COMMD3: variants seen among roughly 807,000 people sequenced by gnomAD.
The protein encoded by COMMD3 is COMM domain-containing protein 3.
In COMMD3, 31 loss-of-function variants were observed where a neutral mutation model predicts 31.2. The observed-to-expected ratio is 0.99, with a 90% CI of 0.75 to 1.34. COMMD3 has a LOEUF of 1.34. COMMD3 is among the 40% of genes most tolerant of loss of function. COMMD3 has a pLI of 0.00. For synonymous variants in COMMD3, 108 were observed against 87.3 expected (o/e 1.24, Z -1.32); for missense variants, 274 against 236.9 (o/e 1.16, Z -1.03).
chr10:22,320,113 T>C lies in COMMD3; in HGVS notation c.*115T>C, dbSNP rs534193003. 1.9e-6 allele frequency: 3 copies of C among 1,588,158 alleles called. No homozygotes were observed. Among genetic ancestry groups the C allele is most frequent in the African/African-American group, 2.7e-5 (2 of 74,514 alleles). ...CCTTTTCAGTAGAAAAGAATTTTCC[T>C]TTTGAATTTATACCATTCATCAATT... On this transcript the variant is annotated 3_prime_UTR_variant, in exon 8 of 8. Transcript: ENST00000376836.
chr10:22,318,524 C>A, intron 4 of COMMD3, 129 bp from the exon 5 acceptor site: 1 of 1,097,442 alleles, frequency 9.1e-7, no homozygotes, highest in Non-Finnish European at 1.3e-6. Flanking sequence ...TAAAGTTTAA[C>A]AATGGTTTAA....
intron 7 of COMMD3, 108 bp from the exon 8 acceptor site, chr10:22,319,831 C>T: frequency 2.2e-6 from 3 of 1,360,214 alleles, no homozygotes; most frequent in Non-Finnish European, 3.0e-6. Flanking sequence ...GAATTTTAAA[C>T]TTGTTTGGAA....
chr10:22,319,895 C>T (rs1284759542), intron 7 of COMMD3, 44 bp from the exon 8 acceptor site: 28 of 1,603,660 alleles, frequency 1.7e-5, no homozygotes, highest in Non-Finnish European at 2.2e-5. Flanking sequence ...TACTTCTTTC[C>T]ATGTTTTATC....
intron 1 of COMMD3, chr10:22,316,808 C>G (rs543076405): frequency 5.1e-6 from 2 of 395,004 alleles, no homozygotes; most frequent in Non-Finnish European, 8.5e-6. Context: ...CTCCCAGTCT[C>G]TTTGTTCTTT....
At chr10:22,318,049 C>A in intron 2 of COMMD3, 54 bp downstream of exon 2, 1 of 1,606,850 alleles carries the variant, frequency 6.2e-7, no homozygotes, top group East Asian at 2.2e-5. Flanking sequence ...TTAATGATTT[C>A]AATTTCAGTT....
Position 22,320,178 on chromosome 10 carries a change from G to C in COMMD3, c.*180G>C. ...ACGTGTGAAAGGGTTAAGAGGGAAA[G>C]ATACTGCCCAAGTATTTGAATCGTT... is the stretch of plus-strand genomic sequence containing the variant. On this transcript the variant is annotated 3_prime_UTR_variant, in exon 8 of 8. Coordinates refer to ENST00000376836, the MANE Select transcript of COMMD3 (RefSeq NM_012071.4). The C allele has an allele frequency of 6.8e-7, 1 of 1,475,504 alleles. No homozygotes were observed. The highest frequency in any genetic ancestry group is 9.1e-7 in the Non-Finnish European group (1 of 1,104,846). 91.4% of individuals were successfully genotyped at this position (1,475,504 alleles called of 1,614,324 possible).
At chr10:22,316,720 C>T (rs1486461138) in intron 1 of COMMD3, 164 bp downstream of exon 1, 4 of 1,248,930 alleles carry the variant, frequency 3.2e-6, no homozygotes, top group East Asian at 5.9e-5. Flanking sequence ...TGCCAGGACT[C>T]GGAGCAGACT....
chr10:22,316,467 C>A lies in COMMD3; in HGVS notation c.50C>A (p.Pro17His), dbSNP rs1411377802. The change falls in exon 1 of 8, where the codon CCC (proline) becomes CAC (histidine). Residue 17 changes from proline to histidine, a missense_variant. By Grantham distance (77) the Pro-to-His change is moderately conservative. Transcript: ENST00000376836. Reference protein sequence around the residue: ...VQKGFQMLADPRSFDSNAFTL... With the variant: ...VQKGFQMLADHRSFDSNAFTL... ...AAAGGCTTCCAGATGCTGGCGGATC[C>A]CCGCTCCTTCGACTCCAACGCCTTC... The A allele has an allele frequency of 1.9e-6, 3 of 1,550,570 alleles. No individual in the cohort carries two copies. Among genetic ancestry groups the A allele is most frequent in the African/African-American group, 1.4e-5 (1 of 73,026 alleles).
intron 4 of COMMD3, 47 bp downstream of exon 4, chr10:22,318,353 G>A (rs202232233): frequency 1.3e-4 from 201 of 1,574,130 alleles, no homozygotes; most frequent in Non-Finnish European, 1.7e-4. Context: ...TCACTTGCAG[G>A]TATGAATGGA....
intron 7 of COMMD3, chr10:22,319,733 A>T: frequency 1.8e-6 from 1 of 565,916 alleles, no homozygotes. Context: ...TTTCAGTGTG[A>T]GGGCAAATAA....
intron 6 of COMMD3, 37 bp from the exon 7 acceptor site, chr10:22,318,918 TAAAC>T (rs1835905446): frequency 6.2e-7 from 1 of 1,611,684 alleles, no homozygotes; most frequent in African/African-American, 1.3e-5. Flanking sequence ...TTGATTTAAA[TAAAC>T]AGCGTTTCTT....
At chr10:22,319,123 C>A (rs1835910802) in intron 7 of COMMD3, 105 bp downstream of exon 7, 1 of 1,279,826 alleles carries the variant, frequency 7.8e-7, no homozygotes, top group Non-Finnish European at 1.1e-6. Flanking sequence ...CATTTGTCAG[C>A]AGATAATGAA....
rs772608809 is a variant in COMMD3, at chr10:22,320,074, T to C, written c.*76T>C. The C allele has an allele frequency of 6.2e-7, 1 of 1,613,454 alleles. No individual in the cohort carries two copies. Among genetic ancestry groups the C allele is most frequent in the Non-Finnish European group, 8.5e-7 (1 of 1,179,618 alleles). On this transcript the variant is annotated 3_prime_UTR_variant, in exon 8 of 8. Coordinates refer to ENST00000376836, the MANE Select transcript of COMMD3 (RefSeq NM_012071.4). The stretch of plus-strand genomic sequence containing the variant: ...TTGCCTTCAGCTGAACCACCGTTTG[T>C]GCGAGCTGGATGTCCTTTTCAGTAG...
At chr10:22,318,529 G>T in intron 4 of COMMD3, 124 bp from the exon 5 acceptor site, 1 of 1,112,244 alleles carries the variant, frequency 9.0e-7, no homozygotes, top group Non-Finnish European at 1.3e-6. Context: ...TTTAACAATG[G>T]TTTAAATTCA....
chr10:22,317,916 GT>G lies in COMMD3; in HGVS notation c.176del (p.Leu59Ter). ...HPDLKHIDPV[V>X]LKHCHAAAAT... ...AGACTTGAAACATATCGACCCAGTGGTTTTAAAACATTGTCATGCAGCAGCT... is the reference window on the plus strand; with the variant it reads ...AGACTTGAAACATATCGACCCAGTGGTTTAAAACATTGTCATGCAGCAGCT... On this transcript the variant is annotated frameshift_variant, in exon 2 of 8. Transcript: ENST00000376836. LOFTEE classifies it high-confidence loss of function. 1 of 1,613,960 alleles carries G rather than the reference GT, an allele frequency of 6.2e-7. No homozygotes were observed. The highest frequency in any genetic ancestry group is 8.5e-7 in the Non-Finnish European group (1 of 1,179,934).
rs756531761 is a variant in COMMD3 at position 22,317,902 on chromosome 10, A to T, written c.158A>T (p.His53Leu). The change falls in exon 2 of 8, where the codon CAT becomes CTT. Residue 53 changes from histidine (H) to leucine (L), a missense_variant. His to Leu is a moderately conservative substitution (Grantham distance 99). Coordinates refer to ENST00000376836, the MANE Select transcript of COMMD3 (RefSeq NM_012071.4). ...EAVLDHPDLK[H>L]IDPVVLKHCH... ...ATTTTAGATCATCCAGACTTGAAACATATCGACCCAGTGGTTTTAAAACAT... is the reference window on the plus strand; with the variant it reads ...ATTTTAGATCATCCAGACTTGAAACTTATCGACCCAGTGGTTTTAAAACAT... 3 of 1,613,890 alleles carry T rather than the reference A, an allele frequency of 1.9e-6. No homozygotes were observed. Among genetic ancestry groups the T allele is most frequent in the Non-Finnish European group, 2.5e-6 (3 of 1,179,934 alleles).
intron 1 of COMMD3, 59 bp from the exon 2 acceptor site, chr10:22,317,825 G>T: frequency 6.4e-7 from 1 of 1,563,016 alleles, no homozygotes; most frequent in Non-Finnish European, 8.7e-7. Context: ...TATCCTTTTT[G>T]GAACATGACT....
At chr10:22,317,804 C>A (rs554824204) in intron 1 of COMMD3, 80 bp from the exon 2 acceptor site, 4 of 1,508,156 alleles carry the variant, frequency 2.7e-6, no homozygotes, top group South Asian at 2.4e-5. Flanking sequence ...GTTTTTAAAC[C>A]CAAATTAAAA....
chr10:22,317,495 TA>T (rs1407965910), intron 1 of COMMD3: 1 of 171,554 alleles, frequency 5.8e-6, no homozygotes, highest in Admixed American at 5.7e-5. Flanking sequence ...CCGGTTACCC[TA>T]AACTCATCAT....
Sources: gnomAD v4.1 joint callset for allele counts on GRCh38, gnomAD v4.1.1 for gene constraint, MANE v1.5 for transcripts, NCBI Gene and HGNC (gene_info 2026-07-23, HGNC 2026-07-21) for gene names.